The following KLF8 variants were observed in gnomAD, a reference collection of about 807,000 sequenced individuals.
KLF8 encodes the protein Krueppel-like factor 8.
KLF8 carries 10 observed loss-of-function variants against 18.2 expected under a neutral mutation model. That is an observed-to-expected ratio of 0.55 (90% CI 0.34 to 0.93). The LOEUF is 0.93. KLF8 is among the 40% of genes least tolerant of loss of function. KLF8 has a pLI of 0.02. For synonymous variants in KLF8, 109 were observed against 97.3 expected (o/e 1.12, Z -0.71); for missense variants, 264 against 277.9 (o/e 0.95, Z 0.36).
At chrX:56,208,006 C>G in the KLF8 span, among the ~76,000 whole-genome samples, 7 of 111,062 alleles carry the variant, frequency 6.3e-5, no homozygotes, top group Non-Finnish European at 1.1e-4. Context: ...AGAGCTTGTA[C>G]AGTGGAACTC....
chrX:55,989,418 G>A, the KLF8 span, among the ~76,000 whole-genome samples: 1 of 112,594 alleles, frequency 8.9e-6, no homozygotes, highest in Admixed American at 9.4e-5. Flanking sequence ...ACGAAGGGCT[G>A]TTGAATTCTG....
At position 56,289,048 on chromosome X, in the gene KLF8, T is replaced by G. The variant is rs756966513; in HGVS notation, c.*4554T>G. On this transcript the variant is annotated 3_prime_UTR_variant, in exon 6 of 6. Coordinates refer to ENST00000468660, the MANE Select transcript of KLF8 (RefSeq NM_007250.5). ...GAGCATGTATCTTACATAAATTATT[T>G]GGAATTATTCTCTAAGGGAGATTGT... Among the ~76,000 whole-genome samples, 44 of 112,543 alleles carry G rather than the reference T, an allele frequency of 3.9e-4. No homozygotes were observed. Among genetic ancestry groups the G allele is most frequent in the African/African-American group, 1.4e-3 (44 of 31,037 alleles).
At chrX:56,133,827 C>A in the KLF8 span, among the ~76,000 whole-genome samples, 4 of 110,562 alleles carry the variant, frequency 3.6e-5, no homozygotes, top group Middle Eastern at 9.2e-3. Flanking sequence ...TTTCAGGATA[C>A]TAAATTAATG....
At chrX:56,201,123 A>G in the KLF8 span, among the ~76,000 whole-genome samples, 1 of 112,134 alleles carries the variant, frequency 8.9e-6, no homozygotes, top group Non-Finnish European at 1.9e-5. Flanking sequence ...TTATCCAAAG[A>G]AATTGAAATC....
At chrX:55,933,463 T>C in the KLF8 span, among the ~76,000 whole-genome samples, 2 of 112,252 alleles carry the variant, frequency 1.8e-5, no homozygotes, top group Non-Finnish European at 3.8e-5. Flanking sequence ...ACAAAAAGAA[T>C]ATTCCTGTTA....
the KLF8 span, among the ~76,000 whole-genome samples, chrX:56,015,973 G>A: frequency 8.9e-6 from 1 of 112,381 alleles, no homozygotes; most frequent in Non-Finnish European, 1.9e-5. Flanking sequence ...ATGTGTGTAT[G>A]TGTGTACATA....
the KLF8 span, among the ~76,000 whole-genome samples, chrX:55,924,828 T>A: frequency 3.8e-5 from 4 of 104,381 alleles, no homozygotes; most frequent in Non-Finnish European, 7.8e-5. Context: ...TGGTTTTTTT[T>A]TTGTTTTGTT....
At chrX:56,015,505 T>C in the KLF8 span, among the ~76,000 whole-genome samples, 1 of 112,574 alleles carries the variant, frequency 8.9e-6, no homozygotes, top group Non-Finnish European at 1.9e-5. Flanking sequence ...GCTTTCTGAT[T>C]CTGTGAATTG....
intron 2 of KLF8, among the ~76,000 whole-genome samples, chrX:56,254,568 T>A (rs2066763636): frequency 1.8e-5 from 2 of 111,589 alleles, no homozygotes; most frequent in Admixed American, 1.9e-4. Flanking sequence ...CCAGGAGGAA[T>A]GAGGTTACAC....
the KLF8 span, among the ~76,000 whole-genome samples, chrX:55,995,203 T>C: frequency 1.8e-5 from 2 of 112,313 alleles, no homozygotes; most frequent in Non-Finnish European, 3.8e-5. Context: ...TCTGTTTTGT[T>C]TGAAATAAGA....
Position 56,233,280 on chromosome X carries a change from G to C in KLF8, c.-55G>C. On this transcript the variant is annotated 5_prime_UTR_variant, in exon 1 of 6. Transcript: ENST00000468660. ...TCTTGCGATCAGCTCAGGAGTATGAGCCTCCCGGAGGACGGCATGAGTTCT... is the reference window on the plus strand; with the variant it reads ...TCTTGCGATCAGCTCAGGAGTATGACCCTCCCGGAGGACGGCATGAGTTCT... The C allele has an allele frequency of 8.3e-7, 1 of 1,202,212 alleles. No individual in the cohort carries two copies. Among genetic ancestry groups the C allele is most frequent in the Non-Finnish European group, 1.1e-6 (1 of 887,460 alleles).
At chrX:56,223,324 C>T in the KLF8 span, among the ~76,000 whole-genome samples, 1 of 112,410 alleles carries the variant, frequency 8.9e-6, no homozygotes, top group African/African-American at 3.2e-5. Context: ...ACACTATTCA[C>T]GTTAGTTATT....
At chrX:56,107,792 C>T in the KLF8 span, among the ~76,000 whole-genome samples, 1 of 111,266 alleles carries the variant, frequency 9.0e-6, no homozygotes, top group South Asian at 3.8e-4. Flanking sequence ...AGAAATCACC[C>T]ATCTTCTGCC....
At chrX:56,232,233 C>G (rs1340982934), upstream of KLF8, among the ~76,000 whole-genome samples, 1 of 111,921 alleles carries the variant, frequency 8.9e-6, no homozygotes, top group Non-Finnish European at 1.9e-5. Context: ...TTATACCTGC[C>G]GCTGCTGGAG....
Position 56,284,362 on chromosome X carries a change from T to C in KLF8, c.948T>C (p.Ala316=). The part of the protein sequence containing the change: ...CTWDGCSWKF[A]RSDELTRHFR... ...GGGATGGCTGCTCCTGGAAATTTGC[T>C]CGCTCAGATGAGCTCACTCGCCATT... Residue 316 remains alanine, a synonymous_variant, in exon 6 of 6, where the codon GCT becomes GCC. Transcript: ENST00000468660. The C allele has an allele frequency of 8.4e-7, 1 of 1,194,799 alleles. No individual in the cohort carries two copies. The highest frequency in any genetic ancestry group is 1.1e-6 in the Non-Finnish European group (1 of 887,044).
the KLF8 span, among the ~76,000 whole-genome samples, chrX:56,008,724 C>G: frequency 2.3e-4 from 26 of 112,390 alleles, no homozygotes; most frequent in East Asian, 7.3e-3. Flanking sequence ...ACCCTCACTG[C>G]AGCTCCAGTC....
chrX:56,250,771 T>C (rs2066698235), intron 2 of KLF8, among the ~76,000 whole-genome samples: 1 of 110,859 alleles, frequency 9.0e-6, no homozygotes, highest in Non-Finnish European at 1.9e-5. Flanking sequence ...TTCAAGAAAT[T>C]GGCTCATTAG....
chrX:56,068,367 G>A, the KLF8 span, among the ~76,000 whole-genome samples: 3 of 110,658 alleles, frequency 2.7e-5, no homozygotes, highest in African/African-American at 9.9e-5. Flanking sequence ...AGAGGGTGCA[G>A]CTTCCTGTTT....
At chrX:55,934,518 C>T in the KLF8 span, among the ~76,000 whole-genome samples, 4 of 112,205 alleles carry the variant, frequency 3.6e-5, no homozygotes, top group Non-Finnish European at 7.5e-5. Flanking sequence ...GTAAGTAGCA[C>T]CAGACTTTGA....
Sources: allele counts gnomAD v4.1 joint callset (sites outside exome capture counted in the v4.1 genomes callset), GRCh38; gene constraint gnomAD v4.1.1; transcripts MANE v1.5; gene names NCBI Gene and HGNC (gene_info 2026-07-23, HGNC 2026-07-21).